Variants in PPP1R1C observed in about 807,000 individuals in gnomAD.
PPP1R1C encodes the protein protein phosphatase 1 regulatory subunit 1C.
Under a neutral mutation model 17.4 loss-of-function variants are expected in PPP1R1C, and 15 were observed. The ratio of observed to expected loss-of-function variants is 0.86; its 90% CI spans 0.58 to 1.33. The LOEUF is 1.33. Among genes scored for constraint, PPP1R1C ranks in the 40% most tolerant of loss-of-function variants. The pLI is 0.00. For synonymous variants in PPP1R1C, 35 were observed against 43.1 expected, an observed-to-expected ratio of 0.81 and a Z score of 0.73; for missense variants, 143 against 130.0, an observed-to-expected ratio of 1.10 and a Z score of -0.48.
At chr2:182,053,648 G>A (rs1687592896) in intron 2 of PPP1R1C, among the ~76,000 whole-genome samples, 1 of 151,590 alleles carries the variant, frequency 6.6e-6, no homozygotes, top group Admixed American at 6.6e-5. Flanking sequence ...AACTTTCTTG[G>A]CATCTGTTTT....
chr2:182,124,199 G>A (rs1234336658), intron 5 of PPP1R1C, among the ~76,000 whole-genome samples: 2 of 151,536 alleles, frequency 1.3e-5, no homozygotes, highest in Non-Finnish European at 2.9e-5. Context: ...CCTCTGTTCT[G>A]TTCCCTTGGT....
At chr2:182,122,231 A>G (rs1385049733), downstream of PPP1R1C, among the ~76,000 whole-genome samples, 1 of 151,664 alleles carries the variant, frequency 6.6e-6, no homozygotes, top group Non-Finnish European at 1.5e-5. Context: ...AAAAAAAATT[A>G]CTCACTAATT....
At chr2:182,119,708 T>C (rs1689684914), downstream of PPP1R1C, among the ~76,000 whole-genome samples, 1 of 152,270 alleles carries the variant, frequency 6.6e-6, no homozygotes, top group Non-Finnish European at 1.5e-5. Flanking sequence ...TGTCTTCTTT[T>C]GAGAAGTGTC....
At chr2:181,974,185 G>A (rs940036563) in intron 1 of PPP1R1C, among the ~76,000 whole-genome samples, 3 of 152,102 alleles carry the variant, frequency 2.0e-5, no homozygotes, top group African/African-American at 4.8e-5. Context: ...AATATCTAGA[G>A]TTGACTTAAA....
At chr2:182,028,480 A>G in intron 2 of PPP1R1C, among the ~76,000 whole-genome samples, 1 of 152,164 alleles carries the variant, frequency 6.6e-6, no homozygotes, top group Non-Finnish European at 1.5e-5. Flanking sequence ...TCCAGTAGTC[A>G]TTCAGGAGCA....
chr2:181,961,704 C>T lies in PPP1R1C; in HGVS notation n.111+7070C>T. 1 of 798,068 alleles carries T rather than the reference C, an allele frequency of 1.3e-6. No homozygotes were observed. The highest frequency in any genetic ancestry group is 3.4e-4 in the Middle Eastern group (1 of 2,930). 49.4% of individuals were successfully genotyped at this position (798,068 alleles called of 1,614,324 possible). A position where few individuals can be genotyped will look rare whatever the true frequency, so the allele number is the denominator to read the frequency against. ...CCAGCTCCTCTCAGTTCTTTCGAGT[C>T]AGCTCATCATATTGGGCCCGGATAT... On this transcript the variant is annotated intron_variant and non_coding_transcript_variant, in intron 1 of 5. Transcript: ENST00000464264. This position sits in a 1 kb window ranked among gnomAD's most constrained non-coding sequence, Gnocchi z 5.8.
chr2:182,100,356 A>G (rs1689061654), intron 4 of PPP1R1C, among the ~76,000 whole-genome samples: 1 of 151,938 alleles, frequency 6.6e-6, no homozygotes, highest in South Asian at 2.1e-4. Context: ...CTAAAAATAC[A>G]TAAATTAGCT....
intron 2 of PPP1R1C, among the ~76,000 whole-genome samples, chr2:182,053,994 C>T (rs1687607464): frequency 6.6e-6 from 1 of 152,098 alleles, no homozygotes; most frequent in Admixed American, 6.5e-5. Context: ...AGGCGTGAGC[C>T]ACCACCCCCG....
At chr2:182,000,821 C>T (rs1354947164) in intron 2 of PPP1R1C, among the ~76,000 whole-genome samples, 1 of 152,058 alleles carries the variant, frequency 6.6e-6, no homozygotes, top group Non-Finnish European at 1.5e-5. Flanking sequence ...GCCTTTCTGT[C>T]ACCTGATAAT....
chr2:182,033,883 G>A (rs1686920867), intron 2 of PPP1R1C, among the ~76,000 whole-genome samples: 1 of 152,126 alleles, frequency 6.6e-6, no homozygotes, highest in African/African-American at 2.4e-5. Context: ...TAGGTACCAG[G>A]ACGCAGAAAA....
chr2:182,010,741 A>G (rs1159432992), intron 2 of PPP1R1C, among the ~76,000 whole-genome samples: 2 of 152,066 alleles, frequency 1.3e-5, no homozygotes, highest in Non-Finnish European at 2.9e-5. Flanking sequence ...CCCATTCAGT[A>G]TGATACTAGC....
intron 2 of PPP1R1C, among the ~76,000 whole-genome samples, chr2:182,021,347 T>C (rs2125163247): frequency 9.6e-6 from 1 of 103,724 alleles, no homozygotes; most frequent in South Asian, 3.2e-4. Context: ...TTTTTTTTTT[T>C]TAATGGAGTC....
chr2:181,979,746 G>A (rs376202661), intron 2 of PPP1R1C, among the ~76,000 whole-genome samples: 13 of 152,326 alleles, frequency 8.5e-5, no homozygotes, highest in South Asian at 2.1e-4. Context: ...TGTTAGAGGC[G>A]ATGGAGCCTG....
intron 4 of PPP1R1C, among the ~76,000 whole-genome samples, chr2:182,073,712 G>C (rs1688206469): frequency 6.6e-6 from 1 of 152,182 alleles, no homozygotes; most frequent in Non-Finnish European, 1.5e-5. Context: ...GTAAGTTGAG[G>C]GATGAGTGAG....
chr2:182,089,382 C>A (rs1425587524), intron 4 of PPP1R1C, among the ~76,000 whole-genome samples: 1 of 152,128 alleles, frequency 6.6e-6, no homozygotes, highest in Admixed American at 6.6e-5. Flanking sequence ...TTAACTGGCC[C>A]AACTACCACA....
At chr2:182,125,663 G>C (rs180854339) in intron 5 of PPP1R1C, among the ~76,000 whole-genome samples, 1 of 152,024 alleles carries the variant, frequency 6.6e-6, no homozygotes, top group Admixed American at 6.6e-5. Context: ...ATTTCTTCTA[G>C]ATTTTCTAGT....
chr2:182,049,783 CTT>C (rs1310250645), intron 2 of PPP1R1C, among the ~76,000 whole-genome samples: 2 of 152,080 alleles, frequency 1.3e-5, no homozygotes, highest in African/African-American at 4.8e-5. Context: ...GGTCTGTGGT[CTT>C]TGTATTTTTT....
intron 2 of PPP1R1C, among the ~76,000 whole-genome samples, chr2:182,027,654 A>T (rs1686661634): frequency 6.9e-6 from 1 of 145,564 alleles, no homozygotes; most frequent in Non-Finnish European, 1.5e-5. Flanking sequence ...TTCATCAAGG[A>T]TATTGGTCTA....
At chr2:181,970,198 T>C (rs1340297379) in intron 1 of PPP1R1C, among the ~76,000 whole-genome samples, 2 of 152,088 alleles carry the variant, frequency 1.3e-5, no homozygotes, top group African/African-American at 4.8e-5. Flanking sequence ...TGGTTGTTTA[T>C]TGGTGTCTGG....
Sources: allele counts gnomAD v4.1 joint callset (sites outside exome capture counted in the v4.1 genomes callset), GRCh38; gene constraint gnomAD v4.1.1; non-coding constraint Gnocchi (gnomAD v3.1); transcripts MANE v1.5; gene names NCBI Gene and HGNC (gene_info 2026-07-23, HGNC 2026-07-21).